Variants in COL19A1 observed in about 807,000 individuals in gnomAD.
The protein encoded by COL19A1 is collagen type XIX alpha 1 chain.
Under a neutral mutation model 190.2 loss-of-function variants are expected in COL19A1, and 159 were observed. The ratio of observed to expected loss-of-function variants is 0.84; its 90% confidence interval spans 0.73 to 0.95. The LOEUF is 0.95. Ranked by LOEUF, COL19A1 falls within the 40% of genes least tolerant of loss-of-function variation. The pLI is 0.00. For synonymous variants in COL19A1, 509 were observed against 458.9 expected (o/e 1.11, Z -1.39); for missense variants, 1,418 against 1,431.9 (o/e 0.99, Z 0.16).
At chr6:70,077,904 T>C (rs143081091) in intron 15 of COL19A1, among the ~76,000 whole-genome samples, 4 of 151,882 alleles carry the variant, frequency 2.6e-5, no homozygotes, top group African/African-American at 4.8e-5. Flanking sequence ...CAAGATATCA[T>C]TGGAAAAAAT....
intron 15 of COL19A1, among the ~76,000 whole-genome samples, chr6:70,070,997 T>C (rs557049575): frequency 2.6e-5 from 4 of 152,242 alleles, no homozygotes; most frequent in Admixed American, 2.0e-4. Flanking sequence ...ACATAAAATA[T>C]GTGAAGTTTT....
chr6:70,092,794 T>C (rs979399230), intron 15 of COL19A1, among the ~76,000 whole-genome samples: 1 of 152,300 alleles, frequency 6.6e-6, no homozygotes, highest in Non-Finnish European at 1.5e-5. Context: ...TTTTAGATTA[T>C]GTAACTCAGA....
intron 15 of COL19A1, among the ~76,000 whole-genome samples, chr6:70,086,686 C>T (rs553484123): frequency 6.6e-6 from 1 of 152,282 alleles, no homozygotes; most frequent in South Asian, 2.1e-4. Flanking sequence ...AAAAACATCA[C>T]CAGATCTTAA....
chr6:69,875,077 A>G (rs1768058568), intron 1 of COL19A1, among the ~76,000 whole-genome samples: 1 of 152,258 alleles, frequency 6.6e-6, no homozygotes, highest in African/African-American at 2.4e-5. Flanking sequence ...ACATACGTAT[A>G]CAGAAAAAAT....
At chr6:69,921,379 T>TATATATCATATATCATATATATC (rs1275119400) in intron 4 of COL19A1, among the ~76,000 whole-genome samples, 1 of 111,422 alleles carries the variant, frequency 9.0e-6, no homozygotes, top group Non-Finnish European at 1.7e-5. Context: ...ATATATATCA[T>TATATATCATATATCATATATATC]ATATATCATA....
chr6:69,913,311 C>T (rs1771084764), intron 4 of COL19A1, among the ~76,000 whole-genome samples: 1 of 151,992 alleles, frequency 6.6e-6, no homozygotes, highest in Non-Finnish European at 1.5e-5. Flanking sequence ...TCATTCAATT[C>T]CCAAATGATA....
At chr6:70,047,928 A>G (rs1779995773) in intron 14 of COL19A1, among the ~76,000 whole-genome samples, 1 of 151,972 alleles carries the variant, frequency 6.6e-6, no homozygotes, top group Admixed American at 6.6e-5. Flanking sequence ...TATTTCATGT[A>G]ATATATCCAC....
intron 15 of COL19A1, among the ~76,000 whole-genome samples, chr6:70,083,438 T>C (rs1292672108): frequency 6.6e-6 from 1 of 152,222 alleles, no homozygotes; most frequent in Non-Finnish European, 1.5e-5. Flanking sequence ...CATATGTGTT[T>C]ATTTCATTTT....
chr6:70,152,967 G>C (rs1419156175), intron 31 of COL19A1, among the ~76,000 whole-genome samples: 1 of 152,102 alleles, frequency 6.6e-6, no homozygotes, highest in African/African-American at 2.4e-5. Flanking sequence ...TCTCAGAAGT[G>C]GAACTAATTG....
intron 2 of COL19A1, among the ~76,000 whole-genome samples, chr6:69,882,458 A>C (rs1768626299): frequency 6.6e-6 from 1 of 152,212 alleles, no homozygotes; most frequent in South Asian, 2.1e-4. Context: ...AAAATCTCAA[A>C]ACTTGCTTTA....
Position 70,146,717 on chromosome 6 carries a change from A to G in COL19A1, c.1815+14A>G, listed in dbSNP as rs142351542. The G allele has an allele frequency of 1.6e-5, 25 of 1,604,296 alleles. No individual in the cohort carries two copies. Among genetic ancestry groups the G allele is most frequent in the Middle Eastern group, 3.3e-4 (2 of 5,996 alleles). On this transcript the variant is annotated intron_variant, in intron 26 of 50. Transcript: ENST00000620364. Reference sequence around the variant, plus strand: ...CGTGGGCCAAAGGTATACAAATATTATAGTTAATTTTTAAGGAATGAATAA... The same window carrying G: ...CGTGGGCCAAAGGTATACAAATATTGTAGTTAATTTTTAAGGAATGAATAA...
intron 2 of COL19A1, among the ~76,000 whole-genome samples, chr6:69,884,097 G>A (rs1768746083): frequency 6.6e-6 from 1 of 152,142 alleles, no homozygotes; most frequent in South Asian, 2.1e-4. Context: ...CACTTTGGGA[G>A]GCCGAGGCAG....
intron 44 of COL19A1, among the ~76,000 whole-genome samples, chr6:70,184,119 T>C (rs1490177446): frequency 6.6e-6 from 1 of 152,252 alleles, no homozygotes; most frequent in South Asian, 2.1e-4. Flanking sequence ...TTTCTTGCTT[T>C]TCTTTCATAT....
At chr6:69,887,629 G>A (rs2149954816) in intron 2 of COL19A1, among the ~76,000 whole-genome samples, 1 of 152,234 alleles carries the variant, frequency 6.6e-6, no homozygotes, top group Middle Eastern at 3.4e-3. Flanking sequence ...TCGTATAAAT[G>A]GAATTACACA....
chr6:70,178,774 G>A (rs539984430), intron 42 of COL19A1, among the ~76,000 whole-genome samples: 13 of 152,122 alleles, frequency 8.5e-5, no homozygotes, highest in Non-Finnish European at 1.2e-4. Flanking sequence ...AGAACGGACC[G>A]GTCTATCCCT....
intron 4 of COL19A1, among the ~76,000 whole-genome samples, chr6:69,925,083 A>G (rs1303305531): frequency 2.6e-5 from 4 of 152,102 alleles, no homozygotes; most frequent in African/African-American, 9.7e-5. Flanking sequence ...GAAGTTCTTT[A>G]GTTTAATTAG....
At chr6:70,143,604 T>C (rs1182703108) in intron 23 of COL19A1, among the ~76,000 whole-genome samples, 1 of 152,000 alleles carries the variant, frequency 6.6e-6, no homozygotes, top group Non-Finnish European at 1.5e-5. Flanking sequence ...GCTCACCGCT[T>C]GAGCCTCTCC....
At chr6:70,045,312 CAA>C (rs34047162) in intron 14 of COL19A1, among the ~76,000 whole-genome samples, 10,423 of 68,802 alleles carry the variant, frequency 0.15, 331 homozygotes, top group East Asian at 0.24. Flanking sequence ...GACTCTGTCT[CAA>C]AAAAAAAAAA....
chr6:70,007,888 T>A (rs1777733147), intron 11 of COL19A1, among the ~76,000 whole-genome samples: 1 of 151,934 alleles, frequency 6.6e-6, no homozygotes, highest in African/African-American at 2.4e-5. Flanking sequence ...TTGGTCACAA[T>A]GGAATTAAAT....
Sources: gnomAD v4.1 joint callset for allele counts (sites outside exome capture counted in the v4.1 genomes callset) on GRCh38, gnomAD v4.1.1 for gene constraint, MANE v1.5 for transcripts, NCBI Gene and HGNC (gene_info 2026-07-23, HGNC 2026-07-21) for gene names.